The following IL1RAPL1 variants were observed in gnomAD, a reference collection of about 807,000 sequenced individuals.
IL1RAPL1 encodes the protein interleukin-1 receptor accessory protein-like 1.
Under a neutral mutation model 48.4 loss-of-function variants are expected in IL1RAPL1, and 3 were observed. The observed-to-expected ratio is 0.06, with a 90% CI of 0.03 to 0.16. The LOEUF is 0.16. Among genes scored for constraint, IL1RAPL1 ranks in the 10% least tolerant of loss-of-function variants. The pLI is 1.00. For missense variants in IL1RAPL1, 349 were observed against 530.6 expected, an observed-to-expected ratio of 0.66 and a Z score of 3.36; for synonymous variants, 185 against 187.7, an observed-to-expected ratio of 0.99 and a Z score of 0.12.
At chrX:29,700,596 T>C (rs1927025535) in intron 6 of IL1RAPL1, among the ~76,000 whole-genome samples, 1 of 112,127 alleles carries the variant, frequency 8.9e-6, no homozygotes, top group South Asian at 3.6e-4. Flanking sequence ...AGGTATTGTA[T>C]TAAATTATAT....
rs150695187 is a variant in IL1RAPL1, at chrX:28,756,327, A to G, written c.-24-32993A>G. 4.7e-3 allele frequency among the ~76,000 whole-genome samples: 527 copies of G among 111,444 alleles called. 2 individuals are homozygous for G. The highest frequency in any genetic ancestry group is 0.014 in the African/African-American group (437 of 30,654). On this transcript the variant is annotated intron_variant, in intron 1 of 10. Transcript: ENST00000378993. ...CTTGGCATTTAATTTTTATTTTACT[A>G]GTGGCTCTCTTCTCAGTAGGCACTG...
intron 2 of IL1RAPL1, among the ~76,000 whole-genome samples, chrX:29,259,848 T>G (rs1278978662): frequency 1.8e-5 from 2 of 111,306 alleles, no homozygotes; most frequent in Non-Finnish European, 3.8e-5. Context: ...CAGTAAAATG[T>G]TGATTAATAA....
At chrX:29,717,241 C>A (rs1267629879) in intron 6 of IL1RAPL1, among the ~76,000 whole-genome samples, 1 of 109,611 alleles carries the variant, frequency 9.1e-6, no homozygotes, top group Middle Eastern at 4.7e-3. Context: ...CACACACGAA[C>A]AAGAATAAAT....
chrX:29,260,887 A>G (rs1484744562), intron 2 of IL1RAPL1, among the ~76,000 whole-genome samples: 1 of 107,941 alleles, frequency 9.3e-6, no homozygotes, highest in Non-Finnish European at 1.9e-5. Flanking sequence ...AATAAAATGT[A>G]TAGACAGTAA....
chrX:29,181,609 A>G (rs1452657098), intron 2 of IL1RAPL1, among the ~76,000 whole-genome samples: 4 of 111,881 alleles, frequency 3.6e-5, no homozygotes, highest in African/African-American at 9.7e-5. Flanking sequence ...ACTATGTACC[A>G]CATACTCTTT....
intron 2 of IL1RAPL1, among the ~76,000 whole-genome samples, chrX:28,797,521 C>T (rs1254492313): frequency 9.0e-6 from 1 of 111,465 alleles, no homozygotes; most frequent in African/African-American, 3.3e-5. Flanking sequence ...ATCTCTAGGG[C>T]AGGGGCAAAA....
At chrX:28,971,007 A>G (rs1483989417) in intron 2 of IL1RAPL1, among the ~76,000 whole-genome samples, 3 of 111,705 alleles carry the variant, frequency 2.7e-5, no homozygotes, top group Non-Finnish European at 1.9e-5. Context: ...ATCCAGTCTC[A>G]TGAAAAACAA....
At chrX:29,396,763 A>G (rs984399624) in intron 4 of IL1RAPL1, among the ~76,000 whole-genome samples, 6 of 111,840 alleles carry the variant, frequency 5.4e-5, no homozygotes, top group African/African-American at 1.9e-4. Context: ...CCTTCTTTTC[A>G]GGGTTCTTCA....
intron 1 of IL1RAPL1, among the ~76,000 whole-genome samples, chrX:28,773,019 A>G (rs1357612613): frequency 1.8e-5 from 2 of 111,124 alleles, no homozygotes; most frequent in African/African-American, 6.6e-5. Context: ...CATATCTCCA[A>G]TGAACCTGAA....
chrX:29,197,463 A>G (rs947736927), intron 2 of IL1RAPL1, among the ~76,000 whole-genome samples: 4 of 111,665 alleles, frequency 3.6e-5, no homozygotes, highest in African/African-American at 1.3e-4. Context: ...TCCTGAGTGA[A>G]TCACTATCTG....
At chrX:29,533,584 A>G (rs68150747) in intron 5 of IL1RAPL1, among the ~76,000 whole-genome samples, 5,470 of 111,429 alleles carry the variant, frequency 0.049, 227 homozygotes, top group African/African-American at 0.13. Context: ...TTATGTGGAC[A>G]TATGTTATTT....
chrX:29,888,720 C>T (rs1284152251), intron 6 of IL1RAPL1, among the ~76,000 whole-genome samples: 1 of 111,445 alleles, frequency 9.0e-6, no homozygotes, highest in East Asian at 2.8e-4. Context: ...TTTCATAGGT[C>T]TTCACAGGGA....
intron 5 of IL1RAPL1, among the ~76,000 whole-genome samples, chrX:29,601,997 T>G (rs1410081717): frequency 4.5e-5 from 5 of 112,253 alleles, no homozygotes; most frequent in Non-Finnish European, 9.4e-5. Context: ...TTTTTGTTTT[T>G]TTTGAGACGG....
intron 3 of IL1RAPL1, among the ~76,000 whole-genome samples, chrX:29,301,325 T>A (rs1932531064): frequency 1.8e-5 from 2 of 112,228 alleles, no homozygotes. Context: ...TGCCATTACA[T>A]GTTTTCATTG....
intron 2 of IL1RAPL1, among the ~76,000 whole-genome samples, chrX:29,071,842 A>T (rs753008422): frequency 8.9e-6 from 1 of 112,330 alleles, no homozygotes; most frequent in African/African-American, 3.2e-5. Flanking sequence ...AATACTTAGT[A>T]GGCCTAAATA....
chrX:29,738,644 T>A (rs12014926), intron 6 of IL1RAPL1, among the ~76,000 whole-genome samples: 1 of 109,936 alleles, frequency 9.1e-6, no homozygotes, highest in Non-Finnish European at 1.9e-5. Flanking sequence ...TTCACTGTGT[T>A]GCCCAGGCTG....
At chrX:29,811,019 A>G (rs1328682411) in intron 6 of IL1RAPL1, among the ~76,000 whole-genome samples, 1 of 110,900 alleles carries the variant, frequency 9.0e-6, no homozygotes, top group Non-Finnish European at 1.9e-5. Context: ...TATATTCTCT[A>G]CTTGTTCCCA....
intron 6 of IL1RAPL1, among the ~76,000 whole-genome samples, chrX:29,868,784 A>G (rs1045217567): frequency 4.4e-5 from 5 of 112,425 alleles, no homozygotes; most frequent in African/African-American, 9.7e-5. Context: ...TTTCACAAAC[A>G]TTAAACCAAA....
At chrX:29,374,258 C>G (rs1299398805) in intron 3 of IL1RAPL1, among the ~76,000 whole-genome samples, 1 of 73,150 alleles carries the variant, frequency 1.4e-5, no homozygotes, top group African/African-American at 5.3e-5. Flanking sequence ...GTGAATCCAT[C>G]TGATCCAGGG....
Sources: allele counts gnomAD v4.1 joint callset (sites outside exome capture counted in the v4.1 genomes callset), GRCh38; gene constraint gnomAD v4.1.1; transcripts MANE v1.5; gene names NCBI Gene and HGNC (gene_info 2026-07-23, HGNC 2026-07-21).